APOB: variants seen among roughly 807,000 people sequenced by gnomAD.
APOB encodes apolipoprotein B.
In APOB, 153 loss-of-function variants were observed where a neutral mutation model predicts 314.1. That is an observed-to-expected ratio of 0.49 (90% confidence interval 0.43 to 0.56). The LOEUF is 0.56. APOB is among the 20% of genes least tolerant of loss of function. The pLI, the probability that APOB is intolerant of heterozygous loss-of-function variation, is 0.00. For synonymous variants in APOB, 2,087 were observed against 2,036.4 expected, an observed-to-expected ratio of 1.02 and a Z score of -0.67; for missense variants, 5,430 against 5,350.7, an observed-to-expected ratio of 1.01 and a Z score of -0.46.
intron 14 of APOB, among the ~76,000 whole-genome samples, chr2:21,027,221 T>G (rs1432879938): frequency 1.3e-5 from 2 of 151,524 alleles, no homozygotes; most frequent in Non-Finnish European, 2.9e-5. Context: ...GAGTTGGGAG[T>G]GATTTGAGAT....
rs1663665617 is a variant in APOB, at chr2:21,023,571, A to G, written c.2558T>C (p.Val853Ala). 6.2e-7 allele frequency: 1 copy of G among 1,614,034 alleles called. No individual in the cohort carries two copies. Reference protein sequence around the residue: ...GLQLQISSSGVIAPGAKAGVK... With the variant: ...GLQLQISSSGAIAPGAKAGVK... The stretch of plus-strand genomic sequence containing the variant: ...TCCAGCCTTGGCTCCGGGAGCAATG[A>G]CTCCAGATGAAGATATTTGCAACTG... Residue 853 changes from valine to alanine, a missense_variant, in exon 17 of 29, where the codon GTC becomes GCC. Physicochemically the swap from Val to Ala is moderately conservative, Grantham distance 64. Around this residue, in one of 3 missense-constraint regions of APOB, gnomAD observed 2,085 missense variants for 2,079.7 expected, o/e 1.00. Transcript: ENST00000233242.
chr2:21,016,236 C>T (rs1038055202), intron 21 of APOB, among the ~76,000 whole-genome samples: 2 of 151,566 alleles, frequency 1.3e-5, no homozygotes, highest in South Asian at 2.1e-4. Flanking sequence ...TGCAGTGAGC[C>T]GAGATTGTGC....
At chr2:21,027,186 G>A (rs1208503612) in intron 14 of APOB, among the ~76,000 whole-genome samples, 1 of 152,122 alleles carries the variant, frequency 6.6e-6, no homozygotes, top group Non-Finnish European at 1.5e-5. Context: ...GTTCAGATAG[G>A]ACAAATAATT....
At chr2:21,026,690 A>T in intron 15 of APOB, 98 bp downstream of exon 15, 1 of 1,002,620 alleles carries the variant, frequency 1.0e-6, no homozygotes, top group Non-Finnish European at 1.6e-6. Flanking sequence ...TTATCCCTTC[A>T]GTTAGATAGT....
chr2:21,028,130 C>T, intron 13 of APOB, 65 bp from the exon 14 acceptor site: 3 of 1,279,144 alleles, frequency 2.3e-6, no homozygotes, highest in Non-Finnish European at 3.4e-6. Flanking sequence ...TCTTGCACCC[C>T]AAGTAAATAT....
rs777919185 is a variant in APOB at position 21,009,078 on chromosome 2, A to G, written c.7790T>C (p.Met2597Thr). 1 of 1,614,088 alleles carries G rather than the reference A, an allele frequency of 6.2e-7. No homozygotes were observed. Among genetic ancestry groups the G allele is most frequent in the Admixed American group, 1.7e-5 (1 of 60,014 alleles). Reference sequence around the variant, plus strand: ...CTGAAGACTGACTTCAAAGGCAGGCATGGTCCCAAGGATGGTCTTGATTTC... The same window carrying G: ...CTGAAGACTGACTTCAAAGGCAGGCGTGGTCCCAAGGATGGTCTTGATTTC... ...VPEIKTILGT[M>T]PAFEVSLQAL... Residue 2597 changes from methionine to threonine, a missense_variant, in exon 26 of 29, where the codon ATG becomes ACG. Met to Thr is a moderately conservative substitution (Grantham distance 81). Around this residue, in one of 3 missense-constraint regions of APOB, gnomAD observed 3,281 missense variants for 3,171.0 expected, o/e 1.03. Coordinates refer to ENST00000233242, the MANE Select transcript of APOB (RefSeq NM_000384.3).
In APOB at chr2:21,012,990, C is replaced by T. The variant is rs529898110; in HGVS notation, c.4216+170G>A. ...ACTGCCTACTAGAATATTTAATACA[C>T]GTGATATGTTTAATAAATATTTCTA... On this transcript the variant is annotated intron_variant, in intron 25 of 28. Coordinates refer to ENST00000233242, the MANE Select transcript of APOB (RefSeq NM_000384.3). 1.6e-4 allele frequency among the ~76,000 whole-genome samples: 24 copies of T among 152,284 alleles called. No homozygotes were observed. In the South Asian group the frequency reaches 3.3e-3, roughly 21 times the overall value.
chr2:21,012,557 G>C lies in APOB; in HGVS notation c.4311C>G (p.Phe1437Leu), dbSNP rs1801697. The change falls in exon 26 of 29, where the codon TTC (phenylalanine) becomes TTG (leucine). Residue 1437 changes from phenylalanine to leucine, a missense_variant. This residue lies in a region of APOB where 2,085 missense variants were observed against 2,079.7 expected (regional missense o/e 1.00). Coordinates refer to ENST00000233242, the MANE Select transcript of APOB (RefSeq NM_000384.3). ...RHKFLDSNIKFSHVEKLGNNP... is the reference protein window; with the variant it reads ...RHKFLDSNIKLSHVEKLGNNP... ...TGTTTCCAAGTTTTTCTACATGACT[G>C]AATTTGATATTCGAATCTAGAAATT... 137 of 1,613,986 alleles carry C rather than the reference G, an allele frequency of 8.5e-5. No homozygotes were observed. The highest frequency in any genetic ancestry group is 1.1e-4 in the Non-Finnish European group (131 of 1,179,988).
rs755753065 is a variant in APOB, at chr2:21,007,456, G to C, written c.9412C>G (p.Pro3138Ala). The change falls in exon 26 of 29, where the codon CCT (proline) becomes GCT (alanine). Residue 3138 changes from proline to alanine, a missense_variant. By Grantham distance (27) the Pro-to-Ala change is conservative (BLOSUM62 -1). Transcript: ENST00000233242. ...IPLTIPEMRLPYTIITTPPLK... is the reference protein window; with the variant it reads ...IPLTIPEMRLAYTIITTPPLK... ...GGAGGAGTTGTGATTATTGTGTAAG[G>C]TAGACGCATTTCAGGAATTGTTAAA... The C allele has an allele frequency of 9.3e-6, 15 of 1,613,932 alleles. No individual in the cohort carries two copies. In the East Asian group the frequency reaches 2.5e-4, roughly 26 times the overall value.
At position 21,005,782 on chromosome 2, in the gene APOB, T is replaced by C; in HGVS notation, c.11086A>G (p.Ile3696Val). ...ACACGAAGATGCTGTCTCCTACCAATGCTGGTGGTTACATCCAGCTTTAGG... is the reference window on the plus strand; with the variant it reads ...ACACGAAGATGCTGTCTCCTACCAACGCTGGTGGTTACATCCAGCTTTAGG... ...DFLKLDVTTS[I>V]GRRQHLRVST... The change falls in exon 26 of 29, where the codon ATT (isoleucine) becomes GTT (valine). Residue 3696 changes from isoleucine (I) to valine (V), a missense_variant. Physicochemically the swap from Ile to Val is conservative, Grantham distance 29. Coordinates refer to ENST00000233242, the MANE Select transcript of APOB (RefSeq NM_000384.3). 1 of 1,614,056 alleles carries C rather than the reference T, an allele frequency of 6.2e-7. No homozygotes were observed. Among genetic ancestry groups the C allele is most frequent in the Non-Finnish European group, 8.5e-7 (1 of 1,179,972 alleles).
chr2:21,022,827 T>G lies in APOB; in HGVS notation c.2816+4A>C. 1 of 1,613,950 alleles carries G rather than the reference T, an allele frequency of 6.2e-7. No individual in the cohort carries two copies. The highest frequency in any genetic ancestry group is 8.5e-7 in the Non-Finnish European group (1 of 1,179,916). ...GGCTAGGCAGACTTGGCTGAAAGAATTACCCTCCACTGAGCAGCTTGACTG... is the reference window on the plus strand; with the variant it reads ...GGCTAGGCAGACTTGGCTGAAAGAAGTACCCTCCACTGAGCAGCTTGACTG... On this transcript the variant is annotated splice_donor_region_variant and intron_variant, in intron 18 of 28. Coordinates refer to ENST00000233242, the MANE Select transcript of APOB (RefSeq NM_000384.3).
At position 21,007,314 on chromosome 2, in the gene APOB, G is replaced by T; in HGVS notation, c.9554C>A (p.Ser3185Tyr). The T allele has an allele frequency of 6.2e-7, 1 of 1,613,930 alleles. No individual in the cohort carries two copies. The highest frequency in any genetic ancestry group is 8.5e-7 in the Non-Finnish European group (1 of 1,179,918). The change falls in exon 26 of 29, where the codon TCC becomes TAC. Residue 3185 changes from serine to tyrosine, a missense_variant. Physicochemically the swap from Ser to Tyr is moderately radical, Grantham distance 144. This residue lies in a region of APOB where 3,281 missense variants were observed against 3,171.0 expected (regional missense o/e 1.03). Transcript: ENST00000233242. ...AQYKKNKHRH[S>Y]ITNPLAVLCE... ...AAGCACAGCCAAAGGATTTGTGATG[G>T]AATGCCTGTGTTTGTTTTTCTTATA... is the stretch of plus-strand genomic sequence containing the variant.
intron 20 of APOB, among the ~76,000 whole-genome samples, chr2:21,016,994 TA>T (rs757762898): frequency 1.4e-4 from 18 of 127,876 alleles, no homozygotes; most frequent in Admixed American, 1.3e-3. Context: ...AAAAAATAAA[TA>T]AATAAATAAA....
At chr2:21,042,804 T>A (rs925264596) in intron 2 of APOB, among the ~76,000 whole-genome samples, 7 of 151,668 alleles carry the variant, frequency 4.6e-5, no homozygotes, top group African/African-American at 7.3e-5. Context: ...ATTACGCAAA[T>A]AGTACTATCT....
intron 4 of APOB, among the ~76,000 whole-genome samples, chr2:21,039,057 C>G (rs957498861): frequency 1.8e-4 from 27 of 152,176 alleles, no homozygotes; most frequent in African/African-American, 6.5e-4. Context: ...AATACCAAAA[C>G]AAACATCCTT....
At chr2:21,016,787 ATT>A in intron 20 of APOB, 138 bp from the exon 21 acceptor site, 1 of 694,606 alleles carries the variant, frequency 1.4e-6, no homozygotes, top group Admixed American at 2.0e-5. Flanking sequence ...GATCAAGACC[ATT>A]CTGGCTAACA....
At position 21,013,166 on chromosome 2, in the gene APOB, C is replaced by T. The variant is rs150647923; in HGVS notation, c.4210G>A (p.Val1404Met). ...TTACCTGAGCATAGCTCACCTTGCA[C>T]ATTGTAGGAAAGCAGGTCAACCACA... is the stretch of plus-strand genomic sequence containing the variant. Reference protein sequence around the residue: ...DSVVDLLSYNVQGSGETTYDH... With the variant: ...DSVVDLLSYNMQGSGETTYDH... The change falls in exon 25 of 29, where the codon GTG becomes ATG. Residue 1404 changes from valine to methionine, a missense_variant. Coordinates refer to ENST00000233242, the MANE Select transcript of APOB (RefSeq NM_000384.3). 1.2e-6 allele frequency: 2 copies of T among 1,613,738 alleles called. No homozygotes were observed. The highest frequency in any genetic ancestry group is 1.7e-5 in the Admixed American group (1 of 60,006).
chr2:21,027,722 C>T (rs2103374754), intron 14 of APOB, 106 bp downstream of exon 14: 1 of 864,164 alleles, frequency 1.2e-6, no homozygotes, highest in Non-Finnish European at 2.0e-6. Context: ...GTAGGAAGTG[C>T]CTGGTGGTTC....
Position 21,008,199 on chromosome 2 carries a change from A to C in APOB, c.8669T>G (p.Phe2890Cys). 7 of 1,614,022 alleles carry C rather than the reference A, an allele frequency of 4.3e-6. No individual in the cohort carries two copies. The highest frequency in any genetic ancestry group is 5.9e-6 in the Non-Finnish European group (7 of 1,179,966). Reference sequence around the variant, plus strand: ...CAGTTTGGGGATGTTCAATTTGTGGAAGTATTTAGTGTTGCTATCCAGGGT... The same window carrying C: ...CAGTTTGGGGATGTTCAATTTGTGGCAGTATTTAGTGTTGCTATCCAGGGT... ...QLTLDSNTKY[F>C]HKLNIPKLDF... Residue 2890 changes from phenylalanine to cysteine, a missense_variant, in exon 26 of 29, where the codon TTC becomes TGC. By Grantham distance (205) the Phe-to-Cys change is radical (BLOSUM62 -2). Coordinates refer to ENST00000233242, the MANE Select transcript of APOB (RefSeq NM_000384.3).
Sources: gnomAD v4.1 joint callset for allele counts (sites outside exome capture counted in the v4.1 genomes callset) on GRCh38, gnomAD v4.1.1 for gene constraint, gnomAD v4.1.1 regional missense constraint, MANE v1.5 for transcripts, NCBI Gene and HGNC (gene_info 2026-07-23, HGNC 2026-07-21) for gene names.